RNF144B: variants seen among roughly 807,000 people sequenced by gnomAD.
RNF144B encodes ring finger protein 144B, also known as E3 ubiquitin-protein ligase RNF144B.
A neutral mutation model predicts 40.2 loss-of-function variants in RNF144B; 25 were observed. That is an observed-to-expected ratio of 0.62 (90% confidence interval 0.45 to 0.87). The LOEUF is 0.87. Among genes scored for constraint, RNF144B ranks in the 40% least tolerant of loss-of-function variants. RNF144B has a pLI of 0.00. For synonymous variants in RNF144B, 145 were observed against 136.3 expected, an observed-to-expected ratio of 1.06 and a Z score of -0.44; for missense variants, 365 against 373.7, an observed-to-expected ratio of 0.98 and a Z score of 0.19.
At chr6:18,420,158 A>ATT (rs10635749) in intron 2 of RNF144B, among the ~76,000 whole-genome samples, 58,169 of 150,588 alleles carry the variant, frequency 0.39, 11,377 homozygotes, top group African/African-American at 0.44. Flanking sequence ...CGGGTTTCTG[A>ATT]TTTTTTTTTT....
chr6:18,455,385 C>T (rs960373742), intron 4 of RNF144B, among the ~76,000 whole-genome samples: 5 of 152,124 alleles, frequency 3.3e-5, no homozygotes, highest in South Asian at 2.1e-4. Flanking sequence ...CATTTCTAGG[C>T]GAGACATTAG....
chr6:18,454,179 T>C (rs189486326), intron 4 of RNF144B, among the ~76,000 whole-genome samples: 1,750 of 152,304 alleles, frequency 0.011, 25 homozygotes, highest in Non-Finnish European at 0.013. Flanking sequence ...AGGCCTTTCT[T>C]TCCTATGTAT....
chr6:18,404,036 C>A (rs1222622765), intron 2 of RNF144B, among the ~76,000 whole-genome samples: 3 of 152,226 alleles, frequency 2.0e-5, no homozygotes, highest in African/African-American at 7.2e-5. Flanking sequence ...CACCTCCCAA[C>A]ACTACTACAC....
rs1021129012 is a variant in RNF144B, at chr6:18,422,458, A to G, written c.166-5123A>G. 2.0e-5 allele frequency among the ~76,000 whole-genome samples: 3 copies of G among 152,208 alleles called. No individual in the cohort carries two copies. Among genetic ancestry groups the G allele is most frequent in the Non-Finnish European group, 2.9e-5 (2 of 68,046 alleles). ...TACCTGGAGTGATAAAAAGCAAAAC[A>G]GGTACTCAAGACCTGTCTGGGCTTT... On this transcript the variant is annotated intron_variant, in intron 2 of 7. Coordinates refer to ENST00000259939, the MANE Select transcript of RNF144B (RefSeq NM_182757.4). This position sits in a 1 kb window ranked among gnomAD's most constrained non-coding sequence, Gnocchi z 4.7.
In RNF144B at chr6:18,425,206, G is replaced by A. The variant is rs937260145; in HGVS notation, c.166-2375G>A. Among the ~76,000 whole-genome samples, 4 of 152,202 alleles carry A rather than the reference G, an allele frequency of 2.6e-5. No individual in the cohort carries two copies. The highest frequency in any genetic ancestry group is 5.9e-5 in the Non-Finnish European group (4 of 68,028). ...AAGTGGACCCTCCACCCAGGTGTTA[G>A]GATCTGAAGTTCTTTGCATTGTTCA... On this transcript the variant is annotated intron_variant, in intron 2 of 7. Transcript: ENST00000259939. This position sits in a 1 kb window ranked among gnomAD's most constrained non-coding sequence, Gnocchi z 4.2.
chr6:18,403,549 C>T (rs1002715639), intron 2 of RNF144B, among the ~76,000 whole-genome samples: 2 of 152,138 alleles, frequency 1.3e-5, no homozygotes, highest in African/African-American at 4.8e-5. Flanking sequence ...TTTCTTGGAG[C>T]CAAATGGATT....
chr6:18,457,171 CT>C lies in RNF144B; in HGVS notation c.349del (p.Tyr117ThrfsTer34). On this transcript the variant is annotated frameshift_variant, in exon 5 of 8. Transcript: ENST00000259939. LOFTEE classifies it high-confidence loss of function. The surrounding 1 kb of genome is among the most constrained non-coding windows in gnomAD (Gnocchi z 5.1). ...ACACTTTAGAAGTTCATCTGGACCC[CT>C]ACCGAACATGGTGTCCTGTTGCAGA... ...KFEREVHLDP[Y>X]RTWCPVADCQ... 6.2e-7 allele frequency: 1 copy of C among 1,613,716 alleles called. No individual in the cohort carries two copies. The highest frequency in any genetic ancestry group is 8.5e-7 in the Non-Finnish European group (1 of 1,179,866).
chr6:18,413,578 G>A (rs1795089991), intron 2 of RNF144B, among the ~76,000 whole-genome samples: 3 of 152,176 alleles, frequency 2.0e-5, no homozygotes, highest in Admixed American at 6.5e-5. Context: ...AGTTCCCAGT[G>A]CATTTAGCAT....
intron 3 of RNF144B, among the ~76,000 whole-genome samples, chr6:18,433,151 CT>C (rs1392275026): frequency 6.6e-6 from 1 of 152,172 alleles, no homozygotes; most frequent in African/African-American, 2.4e-5. Context: ...AACATTCTTC[CT>C]TCCCATTATC....
rs1795069718 is a variant in RNF144B at position 18,412,592 on chromosome 6, T to C, written c.165+12893T>C. On this transcript the variant is annotated intron_variant, in intron 2 of 7. Transcript: ENST00000259939. The surrounding 1 kb of genome is among the most constrained non-coding windows in gnomAD (Gnocchi z 4.2). ...TTCATGTCCAGTGACAAAATGTTAC[T>C]AAGTAGGTAAAGGAGGTTTAAAAAA... 6.6e-6 allele frequency among the ~76,000 whole-genome samples: 1 copy of C among 152,082 alleles called. No individual in the cohort carries two copies. The highest frequency in any genetic ancestry group is 2.4e-5 in the African/African-American group (1 of 41,338).
chr6:18,465,227 C>A lies in RNF144B; in HGVS notation c.*160C>A. The A allele has an allele frequency of 1.5e-6, 1 of 679,066 alleles. No homozygotes were observed. The allele number at this position is 679,066 out of a possible 1,614,324, so 42.1% of individuals were successfully genotyped here. A position where few individuals can be genotyped will look rare whatever the true frequency, so the allele number is the denominator to read the frequency against. On this transcript the variant is annotated 3_prime_UTR_variant, in exon 8 of 8. Transcript: ENST00000259939. Reference sequence around the variant, plus strand: ...TGCCAGCCTTCAGCATCAGGAAAGGCCAAGTCCTGGGTGTGAGTGTTCCTG... The same window carrying A: ...TGCCAGCCTTCAGCATCAGGAAAGGACAAGTCCTGGGTGTGAGTGTTCCTG...
chr6:18,422,016 G>A lies in RNF144B; in HGVS notation c.166-5565G>A, dbSNP rs958520918. Among the ~76,000 whole-genome samples, 2 of 152,154 alleles carry A rather than the reference G, an allele frequency of 1.3e-5. No homozygotes were observed. The highest frequency in any genetic ancestry group is 4.8e-5 in the African/African-American group (2 of 41,422). On this transcript the variant is annotated intron_variant, in intron 2 of 7. Transcript: ENST00000259939. The surrounding 1 kb of genome is among the most constrained non-coding windows in gnomAD (Gnocchi z 4.7). Reference sequence around the variant, plus strand: ...GTTGGCCAACACCTACAAGGGGGAGGTTGGTCACCTAAGTAATCTCATATT... The same window carrying A: ...GTTGGCCAACACCTACAAGGGGGAGATTGGTCACCTAAGTAATCTCATATT...
In RNF144B at chr6:18,465,316, A is replaced by G; in HGVS notation, c.*249A>G. The G allele has an allele frequency of 3.9e-6, 2 of 513,294 alleles. No individual in the cohort carries two copies. The highest frequency in any genetic ancestry group is 6.9e-6 in the Non-Finnish European group (2 of 288,956). The allele number at this position is 513,294 out of a possible 1,614,324, so 31.8% of individuals were successfully genotyped here. ...TGGAGCTTTGGGGTTCCTTGAGATG[A>G]ATGAACATATCATTTTATCATCCAA... On this transcript the variant is annotated 3_prime_UTR_variant, in exon 8 of 8. Transcript: ENST00000259939.
Position 18,412,881 on chromosome 6 carries a change from C to A in RNF144B, c.165+13182C>A, listed in dbSNP as rs929483294. Among the ~76,000 whole-genome samples the A allele has an allele frequency of 6.6e-6, 1 of 152,050 alleles. No individual in the cohort carries two copies. Among genetic ancestry groups the A allele is most frequent in the African/African-American group, 2.4e-5 (1 of 41,412 alleles). On this transcript the variant is annotated intron_variant, in intron 2 of 7. Transcript: ENST00000259939. The surrounding 1 kb of genome is among the most constrained non-coding windows in gnomAD (Gnocchi z 4.2). ...AGGAGGTCTTTTTGGTTTGACTCTT[C>A]TGGAAAATATGTGTGAGGTATTTAC...
At chr6:18,433,457 T>C (rs1388430133) in intron 3 of RNF144B, among the ~76,000 whole-genome samples, 1 of 152,244 alleles carries the variant, frequency 6.6e-6, no homozygotes, top group East Asian at 1.9e-4. Context: ...ATAAGGTTTC[T>C]AAGAAAATTC....
At chr6:18,463,458 A>G in intron 7 of RNF144B, 78 bp downstream of exon 7, 2 of 859,320 alleles carry the variant, frequency 2.3e-6, no homozygotes, top group Non-Finnish European at 2.0e-6. Context: ...GCCTTTCCTC[A>G]TTATTCCCTC....
In RNF144B at chr6:18,412,862, T is replaced by A. The variant is rs1795075218; in HGVS notation, c.165+13163T>A. Among the ~76,000 whole-genome samples, 1 of 151,936 alleles carries A rather than the reference T, an allele frequency of 6.6e-6. No individual in the cohort carries two copies. The highest frequency in any genetic ancestry group is 1.5e-5 in the Non-Finnish European group (1 of 67,982). ...TCATTTCCCACCCACAGTAAGGAGG[T>A]CTTTTTGGTTTGACTCTTCTGGAAA... On this transcript the variant is annotated intron_variant, in intron 2 of 7. Transcript: ENST00000259939. The surrounding 1 kb of genome is among the most constrained non-coding windows in gnomAD (Gnocchi z 4.2).
rs1465162500 is a variant in RNF144B at position 18,422,111 on chromosome 6, C to T, written c.166-5470C>T. Among the ~76,000 whole-genome samples, 1 of 152,184 alleles carries T rather than the reference C, an allele frequency of 6.6e-6. No homozygotes were observed. Among genetic ancestry groups the T allele is most frequent in the Non-Finnish European group, 1.5e-5 (1 of 68,028 alleles). ...TTTAGGATCGGACTATACCAGGAAA[C>T]AGCTTCCTGCCTAGCTATAGGTTGT... is the stretch of plus-strand genomic sequence containing the variant. On this transcript the variant is annotated intron_variant, in intron 2 of 7. Coordinates refer to ENST00000259939, the MANE Select transcript of RNF144B (RefSeq NM_182757.4). The surrounding 1 kb of genome is among the most constrained non-coding windows in gnomAD (Gnocchi z 4.7).
In RNF144B at chr6:18,466,786, A is replaced by G. The variant is rs748285856; in HGVS notation, c.*1719A>G. The stretch of plus-strand genomic sequence containing the variant: ...GGATATATCCTAAGTGGGGATGTGT[A>G]TATTTCAGGAACTTTAATTCACAAG... On this transcript the variant is annotated 3_prime_UTR_variant, in exon 8 of 8. Transcript: ENST00000259939. 2.0e-5 allele frequency: 3 copies of G among 152,654 alleles called. No individual in the cohort carries two copies. The highest frequency in any genetic ancestry group is 4.4e-5 in the Non-Finnish European group (3 of 68,048). 9.5% of individuals were successfully genotyped at this position (152,654 alleles called of 1,614,324 possible).
Sources: gnomAD v4.1 joint callset for allele counts (sites outside exome capture counted in the v4.1 genomes callset) on GRCh38, gnomAD v4.1.1 for gene constraint, Gnocchi (gnomAD v3.1) non-coding constraint, MANE v1.5 for transcripts, NCBI Gene and HGNC (gene_info 2026-07-23, HGNC 2026-07-21) for gene names.